KCNMB2: variants seen among roughly 807,000 people sequenced by gnomAD.
The protein encoded by KCNMB2 is potassium calcium-activated channel subfamily M regulatory beta subunit 2, also known as calcium-activated potassium channel subunit beta-2.
A neutral mutation model predicts 24.5 loss-of-function variants in KCNMB2; 9 were observed. That is an observed-to-expected ratio of 0.37 (90% CI 0.22 to 0.64). The LOEUF (loss-of-function observed/expected upper bound fraction) is 0.64, where lower values mean the gene tolerates loss of function less well. Ranked by LOEUF, KCNMB2 falls within the 30% of genes least tolerant of loss-of-function variation. The pLI is 0.63. For missense variants in KCNMB2, 226 were observed against 284.3 expected (o/e 0.79, Z 1.47); for synonymous variants, 109 against 104.4 (o/e 1.04, Z -0.27).
chr3:178,648,004 C>A (rs10755134), intron 1 of KCNMB2, among the ~76,000 whole-genome samples: 37,720 of 151,344 alleles, frequency 0.25, 4,837 homozygotes, highest in Middle Eastern at 0.47. Context: ...TTTCTTTTTT[C>A]TTCTGACTTC....
intron 1 of KCNMB2, among the ~76,000 whole-genome samples, chr3:178,711,194 G>A (rs747896542): frequency 2.0e-5 from 3 of 152,144 alleles, no homozygotes; most frequent in Non-Finnish European, 4.4e-5. Context: ...CAAAATTCAA[G>A]CCAGGGTATT....
intron 1 of KCNMB2, among the ~76,000 whole-genome samples, chr3:178,800,592 G>A (rs1713737066): frequency 6.6e-6 from 1 of 152,148 alleles, no homozygotes; most frequent in Non-Finnish European, 1.5e-5. Flanking sequence ...ATGTAAATTA[G>A]TACAACCGTT....
intron 1 of KCNMB2, among the ~76,000 whole-genome samples, chr3:178,638,027 C>T (rs1354304813): frequency 6.6e-6 from 1 of 152,130 alleles, no homozygotes; most frequent in African/African-American, 2.4e-5. Context: ...GGGCTCAATC[C>T]TGCTGATTCA....
At chr3:178,660,154 T>C (rs957894761) in intron 1 of KCNMB2, among the ~76,000 whole-genome samples, 5 of 152,166 alleles carry the variant, frequency 3.3e-5, no homozygotes, top group African/African-American at 1.2e-4. Context: ...TATTACTTGA[T>C]TGCCCTTTGA....
chr3:178,761,974 A>G (rs373443352), intron 1 of KCNMB2, among the ~76,000 whole-genome samples: 53 of 152,298 alleles, frequency 3.5e-4, no homozygotes, highest in East Asian at 1.7e-3. Flanking sequence ...AATCAAGACC[A>G]TCCTGGCTAA....
chr3:178,619,895 C>T (rs955573389), intron 1 of KCNMB2, among the ~76,000 whole-genome samples: 2 of 152,146 alleles, frequency 1.3e-5, no homozygotes, highest in Non-Finnish European at 2.9e-5. Context: ...TACCCCTATA[C>T]ACTCCATCTT....
Position 178,757,644 on chromosome 3 carries a change from C to T in KCNMB2, c.-67-49699C>T, listed in dbSNP as rs183854994. 6.9e-4 allele frequency among the ~76,000 whole-genome samples: 22 copies of T among 31,804 alleles called. 2 individuals carry two copies. The highest frequency in any genetic ancestry group is 2.6e-3 in the African/African-American group (22 of 8,508). 20.9% of individuals were successfully genotyped at this position (31,804 alleles called of 152,430 possible). ...AGAGGATATATATATGTATATATAT[C>T]CAAGAGGATATATATATATGTATAT... On this transcript the variant is annotated intron_variant, in intron 1 of 4. Transcript: ENST00000452583.
chr3:178,776,686 A>G (rs1198613617), intron 1 of KCNMB2, among the ~76,000 whole-genome samples: 1 of 152,110 alleles, frequency 6.6e-6, no homozygotes, highest in East Asian at 1.9e-4. Flanking sequence ...ATCATAGACG[A>G]CCCTCCCAGC....
chr3:178,709,806 C>A (rs2108348638), intron 1 of KCNMB2, among the ~76,000 whole-genome samples: 1 of 152,230 alleles, frequency 6.6e-6, no homozygotes, highest in Middle Eastern at 3.4e-3. Flanking sequence ...TTTATTTGTA[C>A]TGCTCATTTA....
At chr3:178,712,374 G>A (rs186690226) in intron 1 of KCNMB2, among the ~76,000 whole-genome samples, 38 of 152,310 alleles carry the variant, frequency 2.5e-4, no homozygotes, top group African/African-American at 8.9e-4. Flanking sequence ...AGTTGAAGGA[G>A]GTTGCAGTCA....
intron 1 of KCNMB2, among the ~76,000 whole-genome samples, chr3:178,691,105 G>GTTTTTTTTTTTTTTTTTTTTTTT (rs1310077931): frequency 1.2e-4 from 4 of 32,958 alleles, no homozygotes; most frequent in African/African-American, 7.0e-4. Flanking sequence ...TCCCCATTAA[G>GTTTTTTTTTTTTTTTTTTTTTTT]TCTTTTTTTT....
chr3:178,673,771 T>C (rs537432862), intron 1 of KCNMB2, among the ~76,000 whole-genome samples: 2 of 152,324 alleles, frequency 1.3e-5, no homozygotes, highest in Admixed American at 1.3e-4. Flanking sequence ...GCCTCATTTT[T>C]CTGCTTTTCA....
intron 1 of KCNMB2, among the ~76,000 whole-genome samples, chr3:178,758,724 A>C (rs1449862106): frequency 1.6e-5 from 1 of 63,812 alleles, no homozygotes; most frequent in African/African-American, 6.8e-5. Context: ...ATATATATAT[A>C]TATCTCCAAG....
chr3:178,547,513 T>G (rs894732107), intron 1 of KCNMB2, among the ~76,000 whole-genome samples: 3 of 152,152 alleles, frequency 2.0e-5, no homozygotes, highest in African/African-American at 7.2e-5. Context: ...AAAATTATAG[T>G]GTATGCTCAC....
Position 178,758,550 on chromosome 3 carries a change from A to C in KCNMB2, c.-67-48793A>C, listed in dbSNP as rs369129591. On this transcript the variant is annotated intron_variant, in intron 1 of 4. Coordinates refer to ENST00000452583, the MANE Select transcript of KCNMB2 (RefSeq NM_181361.3). Reference sequence around the variant, plus strand: ...TGTATATATATATATATATATATATATCCAAGAGGAGATATATATATATAT... The same window carrying C: ...TGTATATATATATATATATATATATCTCCAAGAGGAGATATATATATATAT... Among the ~76,000 whole-genome samples the C allele has an allele frequency of 3.1e-3, 77 of 25,114 alleles. 6 individuals are homozygous for C. The highest frequency in any genetic ancestry group is 8.5e-3 in the East Asian group (8 of 942). The allele number at this position is 25,114 out of a possible 152,430, so 16.5% of individuals were successfully genotyped here. A position where few individuals can be genotyped will look rare whatever the true frequency, so the allele number is the denominator to read the frequency against.
chr3:178,830,992 C>T (rs1715036993), intron 4 of KCNMB2, among the ~76,000 whole-genome samples: 1 of 152,152 alleles, frequency 6.6e-6, no homozygotes, highest in Non-Finnish European at 1.5e-5. Context: ...TATGTCCACC[C>T]TAATATCATA....
intron 1 of KCNMB2, among the ~76,000 whole-genome samples, chr3:178,794,270 G>A (rs1713444623): frequency 1.3e-5 from 2 of 152,094 alleles, no homozygotes; most frequent in Admixed American, 6.6e-5. Flanking sequence ...GTCTCATGGT[G>A]CTGGGCATGA....
At chr3:178,585,852 A>T (rs78497837) in intron 1 of KCNMB2, among the ~76,000 whole-genome samples, 1 of 152,250 alleles carries the variant, frequency 6.6e-6, no homozygotes, top group African/African-American at 2.4e-5. Flanking sequence ...AATAAAAGTG[A>T]TCATTTATAT....
At chr3:178,710,961 T>C (rs1163952523) in intron 1 of KCNMB2, among the ~76,000 whole-genome samples, 1 of 152,174 alleles carries the variant, frequency 6.6e-6, no homozygotes. Context: ...CGGGGCTGAA[T>C]TGAATGGACA....
Sources: allele counts gnomAD v4.1 joint callset (sites outside exome capture counted in the v4.1 genomes callset), GRCh38; gene constraint gnomAD v4.1.1; transcripts MANE v1.5; gene names NCBI Gene and HGNC (gene_info 2026-07-23, HGNC 2026-07-21).